The following VPS4A variants were observed in gnomAD, a reference collection of about 807,000 sequenced individuals.
VPS4A encodes the protein vacuolar protein sorting-associated protein 4A.
Under a neutral mutation model 52.3 loss-of-function variants are expected in VPS4A, and 20 were observed. The observed-to-expected ratio is 0.38, with a 90% CI of 0.27 to 0.56. The LOEUF (loss-of-function observed/expected upper bound fraction) is 0.56, where lower values mean the gene tolerates loss of function less well. VPS4A is among the 20% of genes least tolerant of loss of function. The pLI is 0.72. For missense variants in VPS4A, 419 were observed against 575.9 expected (o/e 0.73, Z 2.79); for synonymous variants, 293 against 227.7 (o/e 1.29, Z -2.58).
intron 10 of VPS4A, chr16:69,323,633 G>A (rs1300285455): frequency 2.2e-6 from 1 of 455,976 alleles, no homozygotes; most frequent in East Asian, 6.9e-5. Flanking sequence ...TGCCCTTGTG[G>A]CTGGTGTTGG....
Position 69,324,965 on chromosome 16 carries a change from G to A in VPS4A, c.*656G>A, listed in dbSNP as rs925911194. The A allele has an allele frequency of 3.9e-5, 6 of 152,930 alleles. No homozygotes were observed. Among genetic ancestry groups the A allele is most frequent in the African/African-American group, 1.4e-4 (6 of 41,450 alleles). The allele number at this position is 152,930 out of a possible 1,614,324, so 9.5% of individuals were successfully genotyped here. ...CACTGCCTTTTCTTCCTCTGAGCGT[G>A]AGAACACTGAACCCAGCCACTGCCC... On this transcript the variant is annotated 3_prime_UTR_variant, in exon 11 of 11. Transcript: ENST00000254950.
At chr16:69,314,387 A>G (rs1469860330) in intron 1 of VPS4A, among the ~76,000 whole-genome samples, 1 of 152,066 alleles carries the variant, frequency 6.6e-6, no homozygotes, top group Non-Finnish European at 1.5e-5. Context: ...CCAAGCATGA[A>G]GCTACAGAGA....
In VPS4A at chr16:69,321,464, C is replaced by CCAT. The variant is rs1402813154; in HGVS notation, c.1071+196_1071+198dup. The CCAT allele has an allele frequency of 1.4e-5, 9 of 636,194 alleles. No individual in the cohort carries two copies. The highest frequency in any genetic ancestry group is 1.1e-4 in the African/African-American group (6 of 54,518). 39.4% of individuals were successfully genotyped at this position (636,194 alleles called of 1,614,324 possible). A position where few individuals can be genotyped will look rare whatever the true frequency, so the allele number is the denominator to read the frequency against. On this transcript the variant is annotated intron_variant, in intron 9 of 10. Transcript: ENST00000254950. The surrounding 1 kb of genome is among the most constrained non-coding windows in gnomAD (Gnocchi z 4.5). ...TCCCTGCAGCTCTTCTGGAGTGTGG[C>CCAT]CATCTCAGGGTGTGTGAAAGCAGAG...
chr16:69,311,363 G>A lies in VPS4A; in HGVS notation c.-149G>A. 1 of 869,316 alleles carries A rather than the reference G, an allele frequency of 1.2e-6. No homozygotes were observed. Among genetic ancestry groups the A allele is most frequent in the African/African-American group, 1.8e-5 (1 of 56,260 alleles). 53.9% of individuals were successfully genotyped at this position (869,316 alleles called of 1,614,324 possible). On this transcript the variant is annotated 5_prime_UTR_variant, in exon 1 of 11. Coordinates refer to ENST00000254950, the MANE Select transcript of VPS4A (RefSeq NM_013245.3). Reference sequence around the variant, plus strand: ...CGCTCCTCGCTTGCCCTCGGACTCGGCTCCCGCTGCGAGCGGCCGCCCTGC... The same window carrying A: ...CGCTCCTCGCTTGCCCTCGGACTCGACTCCCGCTGCGAGCGGCCGCCCTGC...
Position 69,324,231 on chromosome 16 carries a change from C to T in VPS4A, c.1236C>T (p.Ala412=), listed in dbSNP as rs370787028. ...AGTCGGACATGCTGCGGTCTCTGGC[C>T]ACCACCCGGCCCACGGTGAATGCAG... ...VCMSDMLRSL[A]TTRPTVNADD... The change falls in exon 11 of 11, where the codon GCC becomes GCT. Residue 412 remains alanine (A), a synonymous_variant. Transcript: ENST00000254950. The T allele has an allele frequency of 2.6e-5, 42 of 1,613,782 alleles. No homozygotes were observed. The African/African-American group carries it at 3.5e-4, about 13-fold the overall frequency.
rs1235854372 is a variant in VPS4A at position 69,326,896 on chromosome 16, A to G, written c.*2587A>G. On this transcript the variant is annotated 3_prime_UTR_variant, in exon 11 of 11. Transcript: ENST00000254950. Reference sequence around the variant, plus strand: ...GTGAGTGCTTCCTGCTCAAAGTGGGAGAGATTTTACTGGAAATGCAATAAA... The same window carrying G: ...GTGAGTGCTTCCTGCTCAAAGTGGGGGAGATTTTACTGGAAATGCAATAAA... The G allele has an allele frequency of 6.6e-6, 1 of 152,192 alleles. No homozygotes were observed. Among genetic ancestry groups the G allele is most frequent in the Non-Finnish European group, 1.5e-5 (1 of 68,044 alleles). 9.4% of individuals were successfully genotyped at this position (152,192 alleles called of 1,614,324 possible).
In VPS4A at chr16:69,318,850, T is replaced by C. The variant is rs1368547594; in HGVS notation, c.371T>C (p.Ile124Thr). The change falls in exon 5 of 11, where the codon ATA becomes ACA. Residue 124 changes from isoleucine (I) to threonine (T), a missense_variant. Physicochemically the swap from Ile to Thr is moderately conservative, Grantham distance 89. Around this residue, in one of 3 missense-constraint regions of VPS4A, gnomAD observed 131 missense variants for 165.4 expected, o/e 0.79. Coordinates refer to ENST00000254950, the MANE Select transcript of VPS4A (RefSeq NM_013245.3). ...MGAVVMEKPN[I>T]RWNDVAGLEG... ...GCCGTCGTGATGGAGAAGCCCAACA[T>C]ACGGTGGAACGACGTGGCCGGGCTG... The C allele has an allele frequency of 1.2e-6, 2 of 1,613,150 alleles. No individual in the cohort carries two copies. The highest frequency in any genetic ancestry group is 2.2e-5 in the East Asian group (1 of 44,830).
At chr16:69,323,779 G>A (rs1290443831) in intron 10 of VPS4A, 8 of 396,684 alleles carry the variant, frequency 2.0e-5, no homozygotes, top group African/African-American at 4.2e-5. Context: ...GTGAAACCCC[G>A]TCTCTGCTAA....
intron 3 of VPS4A, among the ~76,000 whole-genome samples, chr16:69,317,653 C>T (rs961344931): frequency 4.6e-5 from 7 of 152,090 alleles, no homozygotes; most frequent in Admixed American, 2.6e-4. Flanking sequence ...ATTAGCCGGG[C>T]GTGGTGGCGG....
intron 3 of VPS4A, among the ~76,000 whole-genome samples, chr16:69,317,608 A>ACGGTGAAACC (rs903628427): frequency 6.6e-6 from 1 of 152,186 alleles, no homozygotes; most frequent in Non-Finnish European, 1.5e-5. Context: ...CCTGGCTAAC[A>ACGGTGAAACC]CGGTGAAACC....
intron 3 of VPS4A, among the ~76,000 whole-genome samples, chr16:69,316,821 G>A (rs979705098): frequency 6.6e-6 from 1 of 152,210 alleles, no homozygotes; most frequent in African/African-American, 2.4e-5. Context: ...AGAGTCACCT[G>A]CCTCCAACAG....
chr16:69,321,271 G>A lies in VPS4A; in HGVS notation c.1071+1G>A. ...GCAGTCGGCCACACACTTCAAAAAGGTGAGTGCCCGCGGCCACTGCTGAGA... is the reference window on the plus strand; with the variant it reads ...GCAGTCGGCCACACACTTCAAAAAGATGAGTGCCCGCGGCCACTGCTGAGA... On this transcript the variant is annotated splice_donor_variant, in intron 9 of 10. Coordinates refer to ENST00000254950, the MANE Select transcript of VPS4A (RefSeq NM_013245.3). LOFTEE classifies it high-confidence loss of function. The surrounding 1 kb of genome is among the most constrained non-coding windows in gnomAD (Gnocchi z 4.5). 1 of 1,551,514 alleles carries A rather than the reference G, an allele frequency of 6.4e-7. No homozygotes were observed. Among genetic ancestry groups the A allele is most frequent in the Non-Finnish European group, 8.7e-7 (1 of 1,147,540 alleles).
chr16:69,312,485 A>G (rs1965388709), intron 1 of VPS4A, among the ~76,000 whole-genome samples: 1 of 152,202 alleles, frequency 6.6e-6, no homozygotes, highest in African/African-American at 2.4e-5. Flanking sequence ...TTAAGAGTCC[A>G]TAGCCAGATC....
intron 3 of VPS4A, among the ~76,000 whole-genome samples, chr16:69,317,756 A>G (rs13332309): frequency 0.28 from 41,663 of 151,142 alleles, 6,315 homozygotes; most frequent in African/African-American, 0.39. Flanking sequence ...TCGAGCCACT[A>G]CACTCCAGCC....
Position 69,318,683 on chromosome 16 carries a change from G to A in VPS4A, c.315G>A (p.Glu105=), listed in dbSNP as rs987367349. Residue 105 remains glutamate (E), a synonymous_variant, in exon 4 of 11, where the codon GAG becomes GAA. Coordinates refer to ENST00000254950, the MANE Select transcript of VPS4A (RefSeq NM_013245.3). ...SDSDSEGDNP[E]KKKLQEQLMG... ...GTGACAGTGAAGGGGATAATCCGGA[G>A]AAAAAGAAACTGCAAGAACAGCTGA... 2 of 1,613,434 alleles carry A rather than the reference G, an allele frequency of 1.2e-6. No individual in the cohort carries two copies. Among genetic ancestry groups the A allele is most frequent in the Non-Finnish European group, 8.5e-7 (1 of 1,179,646 alleles).
Position 69,311,404 on chromosome 16 carries a change from A to G in VPS4A, c.-108A>G. The G allele has an allele frequency of 8.5e-7, 1 of 1,178,188 alleles. No individual in the cohort carries two copies. The highest frequency in any genetic ancestry group is 3.5e-5 in the East Asian group (1 of 28,578). The allele number at this position is 1,178,188 out of a possible 1,614,324, so 73.0% of individuals were successfully genotyped here. ...GCCGCCCTGCCCGCGCACCGCGCTC[A>G]GCGCCCACCGCCGGGCTTCCCGCGC... On this transcript the variant is annotated 5_prime_UTR_variant, in exon 1 of 11. Transcript: ENST00000254950.
At chr16:69,315,273 G>A (rs1965422441) in intron 1 of VPS4A, among the ~76,000 whole-genome samples, 1 of 152,196 alleles carries the variant, frequency 6.6e-6, no homozygotes, top group African/African-American at 2.4e-5. Flanking sequence ...CAGGATTTAT[G>A]AGATTCCCAA....
At chr16:69,324,154 G>A (rs1257861518) in intron 10 of VPS4A, 54 bp from the exon 11 acceptor site, 18 of 1,571,484 alleles carry the variant, frequency 1.1e-5, no homozygotes, top group Admixed American at 3.6e-5. Flanking sequence ...GCTGAGGGGA[G>A]GTTGGGGACC....
chr16:69,320,987 T>A lies in VPS4A; in HGVS notation c.852-64T>A, dbSNP rs1489654021. 2.6e-5 allele frequency: 38 copies of A among 1,484,608 alleles called. No homozygotes were observed. The highest frequency in any genetic ancestry group is 3.9e-5 in the Admixed American group (2 of 50,702). 92.0% of individuals were successfully genotyped at this position (1,484,608 alleles called of 1,614,324 possible). On this transcript the variant is annotated intron_variant, in intron 8 of 10. Transcript: ENST00000254950. This position sits in a 1 kb window ranked among gnomAD's most constrained non-coding sequence, Gnocchi z 4.2. ...TCCGTTTCACTCAAATCTTCGTGCC[T>A]CCCCTTCCGTGAATACCATTCCATC...
Sources: allele counts gnomAD v4.1 joint callset (sites outside exome capture counted in the v4.1 genomes callset), GRCh38; gene constraint gnomAD v4.1.1; regional missense constraint gnomAD v4.1.1; non-coding constraint Gnocchi (gnomAD v3.1); transcripts MANE v1.5; gene names NCBI Gene and HGNC (gene_info 2026-07-23, HGNC 2026-07-21).